Variants in SPSB4 observed in about 807,000 individuals in gnomAD.
SPSB4 encodes the protein SPRY domain-containing SOCS box protein 4.
Under a neutral mutation model 20.9 loss-of-function variants are expected in SPSB4, and 21 were observed. The ratio of observed to expected loss-of-function variants is 1.01; its 90% CI spans 0.71 to 1.45. The LOEUF (loss-of-function observed/expected upper bound fraction) is 1.45. Ranked by LOEUF, SPSB4 falls within the 40% of genes most tolerant of loss-of-function variation. The pLI, the probability that SPSB4 is intolerant of heterozygous loss-of-function variation, is 0.00. For synonymous variants in SPSB4, 207 were observed against 183.8 expected (o/e 1.13, Z -1.02); for missense variants, 399 against 399.2 (o/e 1.00, Z 0.00).
intron 1 of SPSB4, among the ~76,000 whole-genome samples, chr3:141,056,504 A>G (rs1937641661): frequency 6.6e-6 from 1 of 152,254 alleles, no homozygotes; most frequent in Non-Finnish European, 1.5e-5. Flanking sequence ...CAGAAATCCC[A>G]GCAGGTCCCT....
At chr3:141,141,234 C>G (rs903242055) in intron 2 of SPSB4, among the ~76,000 whole-genome samples, 2 of 152,200 alleles carry the variant, frequency 1.3e-5, no homozygotes, top group African/African-American at 4.8e-5. Flanking sequence ...CCTGTCACCC[C>G]TTTCTTTGAC....
chr3:141,106,871 A>C (rs1328144006), intron 2 of SPSB4, among the ~76,000 whole-genome samples: 1 of 152,128 alleles, frequency 6.6e-6, no homozygotes, highest in Admixed American at 6.5e-5. Context: ...CATCTCACAG[A>C]CCACCACTCC....
In SPSB4 at chr3:141,066,991, G is replaced by A. The variant is rs77849361; in HGVS notation, c.694+193G>A. On this transcript the variant is annotated intron_variant, in intron 2 of 2. Coordinates refer to ENST00000310546, the MANE Select transcript of SPSB4 (RefSeq NM_080862.3). ...TGCCTTAGTTCTCCCATCGGCAAAA[G>A]CATCACGATGATAGTAATCTAGCTC... is the stretch of plus-strand genomic sequence containing the variant. 4.6e-5 allele frequency among the ~76,000 whole-genome samples: 7 copies of A among 152,312 alleles called. No homozygotes were observed. In the East Asian group the frequency reaches 1.3e-3, roughly 29 times the overall value.
intron 1 of SPSB4, among the ~76,000 whole-genome samples, chr3:141,053,409 C>G (rs1214645118): frequency 1.3e-5 from 2 of 152,108 alleles, no homozygotes; most frequent in African/African-American, 4.8e-5. Flanking sequence ...ATTCAACTTA[C>G]TGGACCTTCT....
chr3:141,059,552 A>G (rs1445330572), intron 1 of SPSB4, among the ~76,000 whole-genome samples: 1 of 152,072 alleles, frequency 6.6e-6, no homozygotes, highest in African/African-American at 2.4e-5. Flanking sequence ...TCCAGAACTC[A>G]GTCACTATCC....
chr3:141,145,753 A>G (rs1190802260), intron 2 of SPSB4, among the ~76,000 whole-genome samples: 1 of 152,122 alleles, frequency 6.6e-6, no homozygotes, highest in African/African-American at 2.4e-5. Flanking sequence ...ATGCCATGTG[A>G]CCACCATCAT....
chr3:141,087,464 G>A (rs1326211576), intron 2 of SPSB4, among the ~76,000 whole-genome samples: 2 of 152,220 alleles, frequency 1.3e-5, no homozygotes, highest in African/African-American at 4.8e-5. Flanking sequence ...CCCAGGAAGA[G>A]GGTCCCAGTA....
At chr3:141,060,690 T>C (rs1490818389) in intron 1 of SPSB4, among the ~76,000 whole-genome samples, 1 of 152,248 alleles carries the variant, frequency 6.6e-6, no homozygotes, top group African/African-American at 2.4e-5. Context: ...TTCTGAAAGA[T>C]GGTGTTAATT....
intron 2 of SPSB4, among the ~76,000 whole-genome samples, chr3:141,092,932 G>A (rs1173222191): frequency 6.6e-6 from 1 of 152,182 alleles, no homozygotes; most frequent in Non-Finnish European, 1.5e-5. Flanking sequence ...TGATGCTTGG[G>A]CTCTGCTCTT....
intron 2 of SPSB4, among the ~76,000 whole-genome samples, chr3:141,071,959 C>T (rs904826277): frequency 1.3e-5 from 2 of 152,256 alleles, no homozygotes; most frequent in Non-Finnish European, 2.9e-5. Context: ...TACAAGGACA[C>T]TGTCTCCTTG....
At chr3:141,133,550 C>A (rs1345351605) in intron 2 of SPSB4, among the ~76,000 whole-genome samples, 1 of 152,132 alleles carries the variant, frequency 6.6e-6, no homozygotes, top group South Asian at 2.1e-4. Context: ...ATAGGTTGTC[C>A]TTTTCCCACT....
chr3:141,097,973 G>T (rs1226640560), intron 2 of SPSB4, among the ~76,000 whole-genome samples: 1 of 152,094 alleles, frequency 6.6e-6, no homozygotes, highest in East Asian at 1.9e-4. Flanking sequence ...ACAAAAACAG[G>T]CTCAGAGCAA....
At chr3:141,055,033 C>T (rs1937616040) in intron 1 of SPSB4, among the ~76,000 whole-genome samples, 1 of 151,914 alleles carries the variant, frequency 6.6e-6, no homozygotes, top group African/African-American at 2.4e-5. Flanking sequence ...GTCTGACAAG[C>T]ACGTCTTAAT....
intron 2 of SPSB4, among the ~76,000 whole-genome samples, chr3:141,112,164 A>T (rs1397232289): frequency 6.6e-6 from 1 of 152,090 alleles, no homozygotes; most frequent in Non-Finnish European, 1.5e-5. Context: ...GCAGGTGGTG[A>T]CCCCCCTGTG....
intron 1 of SPSB4, among the ~76,000 whole-genome samples, chr3:141,065,405 C>G (rs1337667846): frequency 1.3e-5 from 2 of 152,190 alleles, no homozygotes; most frequent in Non-Finnish European, 2.9e-5. Context: ...GGGTTGGGAA[C>G]CAATGGGCCA....
chr3:141,061,970 A>G (rs1021248640), intron 1 of SPSB4, among the ~76,000 whole-genome samples: 3 of 152,094 alleles, frequency 2.0e-5, no homozygotes, highest in Non-Finnish European at 4.4e-5. Context: ...CTTGACCTCA[A>G]ATGATCCACC....
At chr3:141,135,800 C>T (rs1156291753) in intron 2 of SPSB4, among the ~76,000 whole-genome samples, 2 of 152,076 alleles carry the variant, frequency 1.3e-5, no homozygotes, top group African/African-American at 4.8e-5. Context: ...CCACAATAAA[C>T]ATACGTGTGC....
intron 2 of SPSB4, among the ~76,000 whole-genome samples, chr3:141,122,586 G>C (rs1215892496): frequency 6.6e-6 from 1 of 152,188 alleles, no homozygotes; most frequent in Non-Finnish European, 1.5e-5. Context: ...TGTCCTATTT[G>C]AGCTTCCCAG....
intron 2 of SPSB4, among the ~76,000 whole-genome samples, chr3:141,135,569 A>G (rs1296895699): frequency 1.4e-5 from 2 of 143,786 alleles, no homozygotes; most frequent in Non-Finnish European, 3.0e-5. Context: ...TTCAATTCCC[A>G]CCTATGAGTG....
Sources: gnomAD v4.1 joint callset for allele counts (sites outside exome capture counted in the v4.1 genomes callset) on GRCh38, gnomAD v4.1.1 for gene constraint, MANE v1.5 for transcripts, NCBI Gene and HGNC (gene_info 2026-07-23, HGNC 2026-07-21) for gene names.